The following EXOC6B variants were observed in gnomAD, a reference collection of about 807,000 sequenced individuals.
The protein encoded by EXOC6B is SEC15 homolog B.
EXOC6B carries 54 observed loss-of-function variants against 113.5 expected under a neutral mutation model. The observed-to-expected ratio is 0.48, with a 90% CI of 0.38 to 0.60. The LOEUF is 0.60. EXOC6B is among the 20% of genes least tolerant of loss of function. The pLI, the probability that EXOC6B is intolerant of heterozygous loss-of-function variation, is 0.00. For synonymous variants in EXOC6B, 357 were observed against 339.0 expected (o/e 1.05, Z -0.58); for missense variants, 797 against 977.5 (o/e 0.82, Z 2.46).
At position 72,229,280 on chromosome 2, in the gene EXOC6B, A is replaced by T. The variant is rs181538947; in HGVS notation, c.2197-45093T>A. ...TGGAGTTCAGGATATACTACATTTG[A>T]AATAGGGAGACGTCGTTAAGATCTA... On this transcript the variant is annotated intron_variant, in intron 20 of 21. Transcript: ENST00000272427. Among the ~76,000 whole-genome samples the T allele has an allele frequency of 4.6e-3, 699 of 152,288 alleles. 7 individuals carry two copies. The highest frequency in any genetic ancestry group is 0.016 in the African/African-American group (647 of 41,572).
intron 18 of EXOC6B, chr2:72,461,690 G>C (rs887239232): frequency 6.6e-6 from 1 of 151,880 alleles, no homozygotes; most frequent in Non-Finnish European, 1.5e-5. Flanking sequence ...ATTTCATTAA[G>C]TTCAAATTCT....
intron 20 of EXOC6B, among the ~76,000 whole-genome samples, chr2:72,231,983 T>G (rs991648377): frequency 6.6e-6 from 1 of 151,982 alleles, no homozygotes; most frequent in African/African-American, 2.4e-5. Context: ...AAATTATATA[T>G]AATTTTTTTT....
Position 72,498,467 on chromosome 2 carries a change from C to T in EXOC6B, c.1324G>A (p.Ala442Thr), listed in dbSNP as rs1317040114. Residue 442 changes from alanine (A) to threonine (T), a missense_variant, in exon 13 of 22, where the codon GCA (alanine) becomes ACA (threonine). Coordinates refer to ENST00000272427, the MANE Select transcript of EXOC6B (RefSeq NM_015189.3). ...ATAATTTCTCACCTGAAAATACCTG[C>T]CCACTTCTTTAGCAGAGTTTCACTA... ...QYSETLLKKW[A>T]GIFRNILDSD... is the part of the protein sequence containing the mutation. The T allele has an allele frequency of 8.1e-6, 13 of 1,609,418 alleles. No individual in the cohort carries two copies. The highest frequency in any genetic ancestry group is 1.1e-5 in the Non-Finnish European group (13 of 1,177,714).
intron 6 of EXOC6B, among the ~76,000 whole-genome samples, chr2:72,629,139 T>G (rs1672237900): frequency 6.6e-6 from 1 of 152,212 alleles, no homozygotes; most frequent in Non-Finnish European, 1.5e-5. Context: ...GCTATTCTAT[T>G]TTCTGTCCCC....
chr2:72,713,960 A>G (rs1679436165), intron 6 of EXOC6B, among the ~76,000 whole-genome samples: 1 of 152,086 alleles, frequency 6.6e-6, no homozygotes, highest in Non-Finnish European at 1.5e-5. Flanking sequence ...CCAATATAAT[A>G]TTGGCAGAAG....
At chr2:72,386,287 G>T (rs895276280) in intron 18 of EXOC6B, among the ~76,000 whole-genome samples, 3 of 152,098 alleles carry the variant, frequency 2.0e-5, no homozygotes, top group African/African-American at 7.2e-5. Flanking sequence ...AAAAATTGCA[G>T]CCTGGTCATG....
chr2:72,328,085 C>G (rs879579024), intron 20 of EXOC6B, among the ~76,000 whole-genome samples: 8 of 152,104 alleles, frequency 5.3e-5, no homozygotes, highest in Admixed American at 5.2e-4. Context: ...AAGCTGTTAG[C>G]TCTCCCCTAC....
chr2:72,526,610 C>T (rs188427998), intron 8 of EXOC6B, among the ~76,000 whole-genome samples: 13 of 151,992 alleles, frequency 8.6e-5, no homozygotes, highest in Admixed American at 6.5e-4. Flanking sequence ...TATTCCTTCA[C>T]TCCCCTCATT....
intron 20 of EXOC6B, among the ~76,000 whole-genome samples, chr2:72,310,561 A>T (rs1282733824): frequency 6.6e-6 from 1 of 152,098 alleles, no homozygotes; most frequent in East Asian, 1.9e-4. Flanking sequence ...TGATGTACAA[A>T]GATTATTTCC....
intron 1 of EXOC6B, among the ~76,000 whole-genome samples, chr2:72,765,489 A>G (rs1683003819): frequency 6.6e-6 from 1 of 152,052 alleles, no homozygotes; most frequent in Non-Finnish European, 1.5e-5. Flanking sequence ...CCTGGCTAAC[A>G]TGGTGAAACC....
intron 6 of EXOC6B, among the ~76,000 whole-genome samples, chr2:72,591,320 G>C (rs1384523029): frequency 2.6e-5 from 4 of 152,092 alleles, no homozygotes; most frequent in Non-Finnish European, 5.9e-5. Context: ...CTGAAAGACA[G>C]CTACTGTTAC....
At chr2:72,626,450 G>T (rs1573510668) in intron 6 of EXOC6B, among the ~76,000 whole-genome samples, 1 of 152,124 alleles carries the variant, frequency 6.6e-6, no homozygotes, top group Non-Finnish European at 1.5e-5. Flanking sequence ...ATTTAAATGG[G>T]TTATCAGACA....
intron 6 of EXOC6B, among the ~76,000 whole-genome samples, chr2:72,619,805 C>T (rs1412069097): frequency 6.6e-6 from 1 of 152,194 alleles, no homozygotes; most frequent in Non-Finnish European, 1.5e-5. Flanking sequence ...CTCTGCATCC[C>T]TGATTGATGT....
At chr2:72,255,379 C>T (rs929482388) in intron 20 of EXOC6B, among the ~76,000 whole-genome samples, 2 of 152,194 alleles carry the variant, frequency 1.3e-5, no homozygotes, top group African/African-American at 4.8e-5. Flanking sequence ...CAAATATATA[C>T]TACCCTTTAA....
intron 6 of EXOC6B, among the ~76,000 whole-genome samples, chr2:72,589,953 G>C (rs1705827157): frequency 6.6e-6 from 1 of 151,976 alleles, no homozygotes; most frequent in Admixed American, 6.6e-5. Context: ...GTGAAGGGCA[G>C]TACTCCAAGC....
chr2:72,401,630 TATATATAC>T (rs1164948527), intron 18 of EXOC6B, among the ~76,000 whole-genome samples: 43 of 48,238 alleles, frequency 8.9e-4, no homozygotes, highest in East Asian at 3.1e-3. Context: ...TACATATATA[TATATATAC>T]ATATATACAT....
At chr2:72,213,261 C>T (rs930066164) in intron 20 of EXOC6B, among the ~76,000 whole-genome samples, 1 of 152,232 alleles carries the variant, frequency 6.6e-6, no homozygotes, top group Non-Finnish European at 1.5e-5. Context: ...ATGAGAGATG[C>T]TAGCTAATAC....
chr2:72,410,847 T>G (rs994372195), intron 18 of EXOC6B, among the ~76,000 whole-genome samples: 1 of 152,208 alleles, frequency 6.6e-6, no homozygotes, highest in East Asian at 1.9e-4. Context: ...AAAATAACCA[T>G]TGGGAGAGAA....
At chr2:72,759,890 A>G (rs1682642419) in intron 1 of EXOC6B, among the ~76,000 whole-genome samples, 1 of 152,192 alleles carries the variant, frequency 6.6e-6, no homozygotes, top group Non-Finnish European at 1.5e-5. Context: ...AATTTGCCAC[A>G]AGCCAAAGCT....
Sources: allele counts gnomAD v4.1 joint callset (sites outside exome capture counted in the v4.1 genomes callset), GRCh38; gene constraint gnomAD v4.1.1; transcripts MANE v1.5; gene names NCBI Gene and HGNC (gene_info 2026-07-23, HGNC 2026-07-21).